The following EFCAB6 variants were observed in gnomAD, a reference collection of about 807,000 sequenced individuals.
EFCAB6 encodes the protein EF-hand calcium-binding domain-containing protein 6.
EFCAB6 carries 156 observed loss-of-function variants against 169.8 expected under a neutral mutation model. The ratio of observed to expected loss-of-function variants is 0.92; its 90% CI spans 0.81 to 1.05. The LOEUF (loss-of-function observed/expected upper bound fraction) is 1.05. Ranked by LOEUF, EFCAB6 falls within the 50% of genes least tolerant of loss-of-function variation. The probability of loss-of-function intolerance (pLI) is 0.00; values close to 1 mark genes in which losing one functional copy is unlikely to be tolerated. For synonymous variants in EFCAB6, 698 were observed against 676.4 expected (o/e 1.03, Z -0.50); for missense variants, 1,800 against 1,829.1 (o/e 0.98, Z 0.29).
At chr22:43,557,032 C>T (rs934854816) in intron 26 of EFCAB6, among the ~76,000 whole-genome samples, 16 of 152,266 alleles carry the variant, frequency 1.1e-4, no homozygotes, top group South Asian at 1.0e-3. Context: ...TCCATCCTTA[C>T]GGTTTCAGAA....
At chr22:43,772,825 C>T (rs2061517997) in intron 4 of EFCAB6, 67 bp downstream of exon 4, 2 of 1,557,680 alleles carry the variant, frequency 1.3e-6, no homozygotes, top group Non-Finnish European at 1.8e-6. Context: ...GAGAGGTTAC[C>T]TGCTCCCCTG....
At chr22:43,546,822 G>A (rs71329192) in intron 27 of EFCAB6, among the ~76,000 whole-genome samples, 2 of 150,812 alleles carry the variant, frequency 1.3e-5, no homozygotes, top group Admixed American at 1.3e-4. Flanking sequence ...GTGGTGAGAC[G>A]AGATCATGCC....
chr22:43,668,059 A>G (rs1476429796), intron 16 of EFCAB6, among the ~76,000 whole-genome samples: 2 of 152,208 alleles, frequency 1.3e-5, no homozygotes, highest in East Asian at 1.9e-4. Flanking sequence ...GGAAGCAAAC[A>G]TATCTTATCA....
chr22:43,789,021 G>A (rs2062176976), intron 2 of EFCAB6, among the ~76,000 whole-genome samples: 2 of 152,252 alleles, frequency 1.3e-5, no homozygotes, highest in African/African-American at 2.4e-5. Context: ...GTCCATAACA[G>A]GCAAATCTAG....
chr22:43,744,299 C>G lies in EFCAB6; in HGVS notation c.508-8306G>C, dbSNP rs577092478. The stretch of plus-strand genomic sequence containing the variant: ...GTGGGTAGGTGGGGAGATTGCAAGC[C>G]AAGACAATCCTTGTAGAGACAGGAC... On this transcript the variant is annotated intron_variant, in intron 6 of 31. Coordinates refer to ENST00000262726, the MANE Select transcript of EFCAB6 (RefSeq NM_022785.4). This position sits in a 1 kb window ranked among gnomAD's most constrained non-coding sequence, Gnocchi z 4.3. Among the ~76,000 whole-genome samples the G allele has an allele frequency of 2.6e-5, 4 of 152,040 alleles. No individual in the cohort carries two copies. Among genetic ancestry groups the G allele is most frequent in the African/African-American group, 7.2e-5 (3 of 41,482 alleles).
intron 3 of EFCAB6, among the ~76,000 whole-genome samples, chr22:43,774,150 T>C (rs2061564943): frequency 6.6e-6 from 1 of 151,928 alleles, no homozygotes; most frequent in Non-Finnish European, 1.5e-5. Flanking sequence ...TTCTTTCCCT[T>C]TGAATGAAAA....
At chr22:43,635,054 T>A (rs374077376) in intron 18 of EFCAB6, 48 bp downstream of exon 18, 1 of 1,495,714 alleles carries the variant, frequency 6.7e-7, no homozygotes, top group Non-Finnish European at 9.3e-7. Flanking sequence ...AGACATGCAG[T>A]GTCACCCAGG....
At chr22:43,736,065 A>C (rs974534455) in intron 6 of EFCAB6, 72 bp from the exon 7 acceptor site, 2 of 1,418,832 alleles carry the variant, frequency 1.4e-6, no homozygotes. Context: ...TAAAAATGTG[A>C]AAGTTTTTTT....
At chr22:43,604,718 C>T (rs16990812) in intron 22 of EFCAB6, among the ~76,000 whole-genome samples, 13 of 151,934 alleles carry the variant, frequency 8.6e-5, no homozygotes, top group East Asian at 1.9e-4. Flanking sequence ...TTTGTCCACA[C>T]GAGATGCTGT....
At position 43,687,607 on chromosome 22, in the gene EFCAB6, A is replaced by C. The variant is rs746002924; in HGVS notation, c.1032-26T>G. The C allele has an allele frequency of 2.1e-6, 3 of 1,428,422 alleles. No homozygotes were observed. The African/African-American group carries it at 4.3e-5, about 20-fold the overall frequency. The allele number at this position is 1,428,422 out of a possible 1,614,324, so 88.5% of individuals were successfully genotyped here. On this transcript the variant is annotated intron_variant, in intron 10 of 31. Coordinates refer to ENST00000262726, the MANE Select transcript of EFCAB6 (RefSeq NM_022785.4). ...CTGGATTTAAAAGTAACAACAAAAA[A>C]CATTACTTTAAACATTTTTTCTATA...
chr22:43,784,604 T>TATATGTGTATATATACACACAC (rs1569487690), intron 2 of EFCAB6, among the ~76,000 whole-genome samples: 4 of 73,486 alleles, frequency 5.4e-5, no homozygotes, highest in South Asian at 4.9e-4. Context: ...TATATACACA[T>TATATGTGTATATATACACACAC]ATATATGTGT....
intron 27 of EFCAB6, among the ~76,000 whole-genome samples, chr22:43,547,712 C>T (rs2048139749): frequency 6.6e-6 from 1 of 151,302 alleles, no homozygotes; most frequent in Non-Finnish European, 1.5e-5. Flanking sequence ...TTGTAGTGAG[C>T]CGTGATCATG....
At chr22:43,592,658 T>A (rs1040115368) in intron 23 of EFCAB6, among the ~76,000 whole-genome samples, 1 of 152,066 alleles carries the variant, frequency 6.6e-6, no homozygotes, top group East Asian at 1.9e-4. Context: ...CTATGTCCAG[T>A]TCCTGGTCTG....
At chr22:43,777,992 C>G (rs1214460804) in intron 3 of EFCAB6, among the ~76,000 whole-genome samples, 1 of 152,104 alleles carries the variant, frequency 6.6e-6, no homozygotes, top group African/African-American at 2.4e-5. Flanking sequence ...CACTGTCACC[C>G]TAACAATGAG....
chr22:43,800,095 A>G (rs2062650929), intron 2 of EFCAB6, among the ~76,000 whole-genome samples: 1 of 152,206 alleles, frequency 6.6e-6, no homozygotes, highest in Admixed American at 6.5e-5. Context: ...CTCTAACTCA[A>G]CAAAAGGAGA....
At position 43,711,467 on chromosome 22, in the gene EFCAB6, ACT is replaced by A. The variant is rs758034151; in HGVS notation, c.1031+6_1031+7del. On this transcript the variant is annotated splice_donor_region_variant and intron_variant, in intron 10 of 31. Transcript: ENST00000262726. ...AAAAAAATGTCAAGGAAACAATGAG[ACT>A]CTTACCTTTTCATTAACTGGATAAA... is the stretch of plus-strand genomic sequence containing the variant. 6.4e-7 allele frequency: 1 copy of A among 1,573,186 alleles called. No individual in the cohort carries two copies. The highest frequency in any genetic ancestry group is 2.3e-5 in the East Asian group (1 of 44,110).
intron 23 of EFCAB6, among the ~76,000 whole-genome samples, chr22:43,592,299 G>A (rs937229644): frequency 6.6e-6 from 1 of 152,154 alleles, no homozygotes. Context: ...TGCAGGAACC[G>A]CTCTGTGCAT....
At chr22:43,743,999 AT>A (rs2060468213) in intron 6 of EFCAB6, among the ~76,000 whole-genome samples, 1 of 82,460 alleles carries the variant, frequency 1.2e-5, no homozygotes. Flanking sequence ...AAATGGATGA[AT>A]GAATGGATGA....
chr22:43,600,233 A>G lies in EFCAB6; in HGVS notation c.2712T>C (p.Thr904=), dbSNP rs2052394890. ...CCAATTTCTGTAAAAATTCCTGGTAAGTAATGTGCCCTTTTCCCTCGGTGT... is the reference window on the plus strand; with the variant it reads ...CCAATTTCTGTAAAAATTCCTGGTAGGTAATGTGCCCTTTTCCCTCGGTGT... ...RYDTEGKGHI[T]YQEFLQKLGI... is the part of the protein sequence containing the mutation. The change falls in exon 23 of 32, where the codon ACT becomes ACC. Residue 904 remains threonine (T), a synonymous_variant. Transcript: ENST00000262726. The G allele has an allele frequency of 6.2e-7, 1 of 1,614,076 alleles. No individual in the cohort carries two copies. The highest frequency in any genetic ancestry group is 1.1e-5 in the South Asian group (1 of 91,072).
Sources: allele counts gnomAD v4.1 joint callset (sites outside exome capture counted in the v4.1 genomes callset), GRCh38; gene constraint gnomAD v4.1.1; non-coding constraint Gnocchi (gnomAD v3.1); transcripts MANE v1.5; gene names NCBI Gene and HGNC (gene_info 2026-07-23, HGNC 2026-07-21).